Variants in IRS2 observed in about 807,000 individuals in gnomAD.
IRS2 encodes the protein insulin receptor substrate 2.
IRS2 carries 28 observed loss-of-function variants against 70.9 expected under a neutral mutation model. The observed-to-expected ratio is 0.39, with a 90% CI of 0.29 to 0.54. IRS2 has a LOEUF of 0.54. Among genes scored for constraint, IRS2 ranks in the 20% least tolerant of loss-of-function variants. The pLI is 0.59. For missense variants in IRS2, 2,081 were observed against 2,024.1 expected, an observed-to-expected ratio of 1.03 and a Z score of -0.54; for synonymous variants, 1,217 against 981.9, an observed-to-expected ratio of 1.24 and a Z score of -4.48.
chr13:109,755,429 G>A lies in IRS2; in HGVS notation c.*875C>T. On this transcript the variant is annotated 3_prime_UTR_variant, in exon 2 of 2. Transcript: ENST00000375856. ...ATCTGAGCTTGTAAATAGAATAAAA[G>A]GCGTTTGCAATGTGAAGTACCTACA... 4.5e-6 allele frequency: 1 copy of A among 223,772 alleles called. No individual in the cohort carries two copies. Among genetic ancestry groups the A allele is most frequent in the Non-Finnish European group, 8.9e-6 (1 of 112,166 alleles). The allele number at this position is 223,772 out of a possible 1,614,324, so 13.9% of individuals were successfully genotyped here.
rs374646063 is a variant in IRS2 at position 109,782,961 on chromosome 13, C to T, written c.3093G>A (p.Pro1031=). The change falls in exon 1 of 2, where the codon CCG becomes CCA. Residue 1031 remains proline, a synonymous_variant. Coordinates refer to ENST00000375856, the MANE Select transcript of IRS2 (RefSeq NM_003749.3). ...CCCCCGGGGCCGGCGGCGGTGGCGG[C>T]GGCTGCAGAGACGACGACGGGGACG... ...PSASPSSSLQ[P]PPPPPAPGEL... The T allele has an allele frequency of 9.5e-3, 13,478 of 1,426,174 alleles. 89 individuals carry two copies. Among genetic ancestry groups the T allele is most frequent in the Non-Finnish European group, 0.011 (11,540 of 1,093,914 alleles). The allele number at this position is 1,426,174 out of a possible 1,614,324, so 88.3% of individuals were successfully genotyped here.
Position 109,783,083 on chromosome 13 carries a change from G to T in IRS2, c.2971C>A (p.Pro991Thr). The T allele has an allele frequency of 2.2e-6, 3 of 1,389,352 alleles. No individual in the cohort carries two copies. The highest frequency in any genetic ancestry group is 2.8e-6 in the Non-Finnish European group (3 of 1,078,698). The allele number at this position is 1,389,352 out of a possible 1,614,324, so 86.1% of individuals were successfully genotyped here. ...LDFSSPKSPK[P>T]GAPSGHPVGS... ...ACGGGGTGGCCGCTCGGGGCGCCCG[G>T]CTTAGGAGACTTGGGGGAGCTGAAG... The change falls in exon 1 of 2, where the codon CCG (proline) becomes ACG (threonine). Residue 991 changes from proline to threonine, a missense_variant. Physicochemically the swap from Pro to Thr is conservative, Grantham distance 38. This residue lies in a region of IRS2 where 1,615 missense variants were observed against 1,459.5 expected (regional missense o/e 1.11). Coordinates refer to ENST00000375856, the MANE Select transcript of IRS2 (RefSeq NM_003749.3).
chr13:109,785,753 T>C lies in IRS2; in HGVS notation c.301A>G (p.Ile101Val), dbSNP rs745534438. ...RVIALDCCLN[I>V]NKRADAKHKY... is the part of the protein sequence containing the mutation. ...TGCTTGGCGTCGGCGCGCTTGTTGATGTTCAGGCAGCAGTCGAGAGCGATC... is the reference window on the plus strand; with the variant it reads ...TGCTTGGCGTCGGCGCGCTTGTTGACGTTCAGGCAGCAGTCGAGAGCGATC... Residue 101 changes from isoleucine (I) to valine (V), a missense_variant, in exon 1 of 2, where the codon ATC becomes GTC. Transcript: ENST00000375856. The surrounding 1 kb of genome is among the most constrained non-coding windows in gnomAD (Gnocchi z 9.3). 1.3e-6 allele frequency: 2 copies of C among 1,595,940 alleles called. No homozygotes were observed. The highest frequency in any genetic ancestry group is 1.7e-5 in the Admixed American group (1 of 59,704).
chr13:109,763,057 G>A (rs1319874073), intron 1 of IRS2, among the ~76,000 whole-genome samples: 1 of 152,206 alleles, frequency 6.6e-6, no homozygotes, highest in Non-Finnish European at 1.5e-5. Flanking sequence ...CATAAGCAGA[G>A]TGGAGCAGCT....
intron 1 of IRS2, among the ~76,000 whole-genome samples, chr13:109,775,118 T>C (rs1012418360): frequency 2.1e-4 from 15 of 72,876 alleles, no homozygotes; most frequent in African/African-American, 5.6e-4. Context: ...ATCTTTCTTT[T>C]TTTTTTTTTT....
chr13:109,769,362 T>C (rs545224877), intron 1 of IRS2, among the ~76,000 whole-genome samples: 1 of 152,300 alleles, frequency 6.6e-6, no homozygotes, highest in Non-Finnish European at 1.5e-5. Context: ...CGGGCTCAAT[T>C]CCTCCTGGTC....
chr13:109,772,758 C>G (rs1375375942), intron 1 of IRS2, among the ~76,000 whole-genome samples: 6 of 150,022 alleles, frequency 4.0e-5, no homozygotes, highest in Non-Finnish European at 8.9e-5. Flanking sequence ...TGCAGTGGCG[C>G]GATCTCGGCT....
Position 109,754,350 on chromosome 13 carries a change from G to A in IRS2, c.*1954C>T, listed in dbSNP as rs896728995. On this transcript the variant is annotated 3_prime_UTR_variant, in exon 2 of 2. Transcript: ENST00000375856. Reference sequence around the variant, plus strand: ...TTGTTTTAAGCTGCAGTATGAACACGAACCATCTGTATAGTGTCATGACTA... The same window carrying A: ...TTGTTTTAAGCTGCAGTATGAACACAAACCATCTGTATAGTGTCATGACTA... 2 of 215,830 alleles carry A rather than the reference G, an allele frequency of 9.3e-6. No homozygotes were observed. Among genetic ancestry groups the A allele is most frequent in the African/African-American group, 4.5e-5 (2 of 44,394 alleles). The allele number at this position is 215,830 out of a possible 1,614,324, so 13.4% of individuals were successfully genotyped here.
rs766098208 is a variant in IRS2 at position 109,783,962 on chromosome 13, C to T, written c.2092G>A (p.Ala698Thr). Reference sequence around the variant, plus strand: ...CCCGCAGAAGGCACGGCGGCGGCGGCGGCGGCGGCGGCCCTGGGCTGCAAG... The same window carrying T: ...CCCGCAGAAGGCACGGCGGCGGCGGTGGCGGCGGCGGCCCTGGGCTGCAAG... ...QILQPRAAAAAAAAVPSAGPA... is the reference protein window; with the variant it reads ...QILQPRAAAATAAAVPSAGPA... Residue 698 changes from alanine (A) to threonine (T), a missense_variant, in exon 1 of 2, where the codon GCC becomes ACC. Ala to Thr is a moderately conservative substitution (Grantham distance 58). Around this residue, in one of 4 missense-constraint regions of IRS2, gnomAD observed 1,615 missense variants for 1,459.5 expected, o/e 1.11. Coordinates refer to ENST00000375856, the MANE Select transcript of IRS2 (RefSeq NM_003749.3). 6.6e-7 allele frequency: 1 copy of T among 1,513,456 alleles called. No individual in the cohort carries two copies. 93.8% of individuals were successfully genotyped at this position (1,513,456 alleles called of 1,614,324 possible).
Position 109,782,734 on chromosome 13 carries a change from C to A in IRS2, c.3320G>T (p.Arg1107Met). The change falls in exon 1 of 2, where the codon AGG (arginine) becomes ATG (methionine). Residue 1107 changes from arginine to methionine, a missense_variant. Physicochemically the swap from Arg to Met is moderately conservative, Grantham distance 91. Around this residue, in one of 4 missense-constraint regions of IRS2, gnomAD observed 1,615 missense variants for 1,459.5 expected, o/e 1.11. Transcript: ENST00000375856. ...RVASPTSGVK[R>M]LSLMEQVSGV... Reference sequence around the variant, plus strand: ...CGACACCTGCTCCATGAGGCTCAGCCTCTTCACGCCCGACGTCGGGCTGGC... The same window carrying A: ...CGACACCTGCTCCATGAGGCTCAGCATCTTCACGCCCGACGTCGGGCTGGC... 6.3e-7 allele frequency: 1 copy of A among 1,597,414 alleles called. No individual in the cohort carries two copies. The highest frequency in any genetic ancestry group is 8.5e-7 in the Non-Finnish European group (1 of 1,172,588).
rs778415049 is a variant in IRS2, at chr13:109,782,327, T to C, written c.3727A>G (p.Thr1243Ala). 61 of 1,609,984 alleles carry C rather than the reference T, an allele frequency of 3.8e-5. No individual in the cohort carries two copies. Among genetic ancestry groups the C allele is most frequent in the African/African-American group, 5.4e-5 (4 of 74,140 alleles). ...GSGGSPMRRE[T>A]SAGFQNGLNY... ...AGACCATTCTGGAAGCCGGCAGAGG[T>C]CTCTCTGCGCATGGGCGATCCACCG... Residue 1243 changes from threonine to alanine, a missense_variant, in exon 1 of 2, where the codon ACC becomes GCC. By Grantham distance (58) the Thr-to-Ala change is moderately conservative (BLOSUM62 0). Around this residue, in one of 4 missense-constraint regions of IRS2, gnomAD observed 1,615 missense variants for 1,459.5 expected, o/e 1.11. Coordinates refer to ENST00000375856, the MANE Select transcript of IRS2 (RefSeq NM_003749.3).
chr13:109,783,913 G>A lies in IRS2; in HGVS notation c.2141C>T (p.Ser714Phe), dbSNP rs560609290. 6.5e-7 allele frequency: 1 copy of A among 1,544,916 alleles called. No individual in the cohort carries two copies. Among genetic ancestry groups the A allele is most frequent in the African/African-American group, 1.4e-5 (1 of 73,122 alleles). ...CGCCGGGAATGTCCTGCCCGCCGCA[G>A]AGGTGGGTGCTGGCCCCGCAGGCCC... Reference protein sequence around the residue: ...SAGPAGPAPTSAAGRTFPASG... With the variant: ...SAGPAGPAPTFAAGRTFPASG... Residue 714 changes from serine (S) to phenylalanine (F), a missense_variant, in exon 1 of 2, where the codon TCT (serine) becomes TTT (phenylalanine). This residue lies in a region of IRS2 where 1,615 missense variants were observed against 1,459.5 expected (regional missense o/e 1.11). Transcript: ENST00000375856.
At position 109,783,081 on chromosome 13, in the gene IRS2, C is replaced by A. The variant is rs772378244; in HGVS notation, c.2973G>T (p.Pro991=). The A allele has an allele frequency of 2.9e-6, 4 of 1,382,756 alleles. No homozygotes were observed. In the African/African-American group the frequency reaches 6.1e-5, roughly 21 times the overall value. The allele number at this position is 1,382,756 out of a possible 1,614,324, so 85.7% of individuals were successfully genotyped here. A position where few individuals can be genotyped will look rare whatever the true frequency, so the allele number is the denominator to read the frequency against. Residue 991 remains proline, a synonymous_variant, in exon 1 of 2, where the codon CCG becomes CCT. Transcript: ENST00000375856. ...LDFSSPKSPK[P]GAPSGHPVGS... is the part of the protein sequence containing the mutation. The stretch of plus-strand genomic sequence containing the variant: ...CCACGGGGTGGCCGCTCGGGGCGCC[C>A]GGCTTAGGAGACTTGGGGGAGCTGA...
In IRS2 at chr13:109,782,412, T is replaced by G. The variant is rs1477424454; in HGVS notation, c.3642A>C (p.Ala1214=). The G allele has an allele frequency of 1.8e-5, 29 of 1,602,564 alleles. No individual in the cohort carries two copies. The highest frequency in any genetic ancestry group is 2.3e-5 in the Non-Finnish European group (27 of 1,174,762). The change falls in exon 1 of 2, where the codon GCA becomes GCC. Residue 1214 remains alanine, a synonymous_variant. Transcript: ENST00000375856. ...CCGGGGTCCACGGCCGGCCCTGCGG[T>G]GCCAAAGGGGGCGCCGGCTGCAACT... is the stretch of plus-strand genomic sequence containing the variant. ...PRQLQPAPPL[A]PQGRPWTPGQ...
chr13:109,779,490 T>G, intron 1 of IRS2, among the ~76,000 whole-genome samples: 1 of 152,240 alleles, frequency 6.6e-6, no homozygotes, highest in East Asian at 1.9e-4. Flanking sequence ...ATGTATGAGT[T>G]AAATAAAAGT....
At chr13:109,770,851 G>A (rs927677033) in intron 1 of IRS2, among the ~76,000 whole-genome samples, 94 of 152,312 alleles carry the variant, frequency 6.2e-4, no homozygotes, top group African/African-American at 2.2e-3. Context: ...TGTGTTCTGC[G>A]TTTTGGAAAT....
chr13:109,778,388 G>A lies in IRS2; in HGVS notation c.4012+3654C>T, dbSNP rs2138925702. Among the ~76,000 whole-genome samples the A allele has an allele frequency of 2.6e-5, 4 of 152,330 alleles. No homozygotes were observed. The Middle Eastern group carries it at 0.014, about 518-fold the overall frequency. On this transcript the variant is annotated intron_variant, in intron 1 of 1. Transcript: ENST00000375856. ...GGTTTCTCTTTCAATAAAGGAAACA[G>A]AACAAGTCATGTGACTTTCATTCAC...
Position 109,766,815 on chromosome 13 carries a change from T to TCCAA in IRS2, c.4013-10508_4013-10507insTTGG, listed in dbSNP as rs1555315564. Reference sequence around the variant, plus strand: ...ATATCCCAGCCTCATCCACCTTGGCTCTGACTCCCCTGCATGTGACCCACT... The same window carrying TCCAA: ...ATATCCCAGCCTCATCCACCTTGGCTCCAACTGACTCCCCTGCATGTGACCCACT... On this transcript the variant is annotated intron_variant, in intron 1 of 1. Coordinates refer to ENST00000375856, the MANE Select transcript of IRS2 (RefSeq NM_003749.3). Among the ~76,000 whole-genome samples the TCCAA allele has an allele frequency of 5.5e-4, 84 of 151,826 alleles. 17 individuals are homozygous for TCCAA. Among genetic ancestry groups the TCCAA allele is most frequent in the East Asian group, 5.8e-4 (3 of 5,140 alleles).
At position 109,784,636 on chromosome 13, in the gene IRS2, A is replaced by C; in HGVS notation, c.1418T>G (p.Leu473Arg). Residue 473 changes from leucine (L) to arginine (R), a missense_variant, in exon 1 of 2, where the codon CTG becomes CGG. Transcript: ENST00000375856. This position sits in a 1 kb window ranked among gnomAD's most constrained non-coding sequence, Gnocchi z 5.2. ...PGPHPPLPHP[L>R]HHGPGQRPSS... ...GGGCCGCTGGCCGGGGCCGTGGTGC[A>C]GCGGATGCGGCAGAGGCGGGTGCGG... 1 of 1,304,540 alleles carries C rather than the reference A, an allele frequency of 7.7e-7. No individual in the cohort carries two copies. Among genetic ancestry groups the C allele is most frequent in the Non-Finnish European group, 9.7e-7 (1 of 1,030,942 alleles). The allele number at this position is 1,304,540 out of a possible 1,614,324, so 80.8% of individuals were successfully genotyped here. A position where few individuals can be genotyped will look rare whatever the true frequency, so the allele number is the denominator to read the frequency against.
Sources: gnomAD v4.1 joint callset for allele counts (sites outside exome capture counted in the v4.1 genomes callset) on GRCh38, gnomAD v4.1.1 for gene constraint, gnomAD v4.1.1 regional missense constraint, Gnocchi (gnomAD v3.1) non-coding constraint, MANE v1.5 for transcripts, NCBI Gene and HGNC (gene_info 2026-07-23, HGNC 2026-07-21) for gene names.